MED16: variants seen among roughly 807,000 people sequenced by gnomAD.
MED16 encodes the protein mediator complex subunit 16.
A neutral mutation model predicts 84.4 loss-of-function variants in MED16; 81 were observed. That is an observed-to-expected ratio of 0.96 (90% CI 0.80 to 1.15). The LOEUF (loss-of-function observed/expected upper bound fraction) is 1.15, where lower values mean the gene tolerates loss of function less well. Ranked by LOEUF, MED16 falls within the 50% of genes most tolerant of loss-of-function variation. The pLI, the probability that MED16 is intolerant of heterozygous loss-of-function variation, is 0.00. For missense variants in MED16, 1,585 were observed against 1,245.9 expected (o/e 1.27, Z -4.10); for synonymous variants, 897 against 552.2 (o/e 1.62, Z -8.76).
intron 12 of MED16, 121 bp from the exon 13 acceptor site, chr19:871,374 CTGGCTGGG>C: frequency 4.5e-6 from 6 of 1,325,184 alleles, no homozygotes; most frequent in Non-Finnish European, 6.1e-6. Context: ...CTCTGTCTGC[CTGGCTGGG>C]TGACCCCGGG....
At chr19:887,024 A>C (rs967948183) in intron 4 of MED16, among the ~76,000 whole-genome samples, 21 of 151,424 alleles carry the variant, frequency 1.4e-4, no homozygotes, top group Admixed American at 6.6e-5. Flanking sequence ...GATTGCAGTG[A>C]GCCGAGATCA....
At chr19:892,428 C>T in intron 1 of MED16, 1 of 155,462 alleles carries the variant, frequency 6.4e-6, no homozygotes, top group Non-Finnish European at 1.4e-5. Context: ...CCAGGCCCAA[C>T]CCCTAAAACT....
chr19:884,571 C>G (rs895825176), intron 6 of MED16, among the ~76,000 whole-genome samples: 5 of 152,232 alleles, frequency 3.3e-5, no homozygotes, highest in South Asian at 4.1e-4. Flanking sequence ...CACAGACCCA[C>G]GCTCCACAGC....
intron 11 of MED16, 55 bp downstream of exon 11, chr19:873,394 T>C (rs1344168836): frequency 6.0e-6 from 9 of 1,492,856 alleles, no homozygotes; most frequent in African/African-American, 3.8e-5. Context: ...AGCGGGGTCC[T>C]GATGAGATGG....
intron 10 of MED16, among the ~76,000 whole-genome samples, chr19:874,640 G>T (rs915401109): frequency 4.1e-4 from 63 of 152,214 alleles, no homozygotes; most frequent in Non-Finnish European, 3.2e-4. Context: ...CCCAGGAGTA[G>T]AGAGAGGTGA....
At chr19:888,509 G>A (rs1200491140) in intron 4 of MED16, among the ~76,000 whole-genome samples, 5 of 144,240 alleles carry the variant, frequency 3.5e-5, no homozygotes, top group African/African-American at 5.2e-5. Flanking sequence ...GGGGGATAGA[G>A]CGAGACTCTG....
chr19:884,888 CG>C lies in MED16; in HGVS notation c.985+14del, dbSNP rs1440019491. The C allele has an allele frequency of 6.3e-7, 1 of 1,592,620 alleles. No individual in the cohort carries two copies. Among genetic ancestry groups the C allele is most frequent in the East Asian group, 2.3e-5 (1 of 44,296 alleles). On this transcript the variant is annotated intron_variant, in intron 6 of 15. Coordinates refer to ENST00000325464, the MANE Select transcript of MED16 (RefSeq NM_005481.3). ...AGGGCAGGCCCAGGGCCTCCGCAGCCGGCGGGAGACTCACCCACGGGGGAGA... is the reference window on the plus strand; with the variant it reads ...AGGGCAGGCCCAGGGCCTCCGCAGCCGCGGGAGACTCACCCACGGGGGAGA...
chr19:871,309 A>T (rs1230541244), intron 12 of MED16, 56 bp from the exon 13 acceptor site: 13 of 1,477,392 alleles, frequency 8.8e-6, no homozygotes, highest in Non-Finnish European at 1.1e-5. Context: ...CCGCCCGGCC[A>T]CCCGGGACGT....
chr19:870,113 T>C (rs2036010333), intron 13 of MED16, among the ~76,000 whole-genome samples: 1 of 152,110 alleles, frequency 6.6e-6, no homozygotes, highest in African/African-American at 2.4e-5. Flanking sequence ...CCTGATGAGG[T>C]GTCTGCTCAG....
rs181380270 is a variant in MED16 at position 869,737 on chromosome 19, A to G, written c.2316-791T>C. The stretch of plus-strand genomic sequence containing the variant: ...AGCAGGGCTGCTGGAGGTTCACTTC[A>G]TTTTCTTCCTTTTGCTCATCTGTGT... On this transcript the variant is annotated intron_variant, in intron 13 of 15. Transcript: ENST00000325464. Among the ~76,000 whole-genome samples the G allele has an allele frequency of 8.5e-3, 1,299 of 152,074 alleles. 11 individuals carry two copies. The highest frequency in any genetic ancestry group is 0.014 in the Non-Finnish European group (939 of 67,984).
Position 875,541 on chromosome 19 carries a change from T to C in MED16, c.1561-87A>G, listed in dbSNP as rs1050801260. Reference sequence around the variant, plus strand: ...GCTGAGGAGAAGAGCAGTTCGACTCTGACACCAGGCGCTCGGTCAGCTGGG... The same window carrying C: ...GCTGAGGAGAAGAGCAGTTCGACTCCGACACCAGGCGCTCGGTCAGCTGGG... On this transcript the variant is annotated intron_variant, in intron 9 of 15. Coordinates refer to ENST00000325464, the MANE Select transcript of MED16 (RefSeq NM_005481.3). The C allele has an allele frequency of 1.6e-5, 17 of 1,083,308 alleles. No individual in the cohort carries two copies. The East Asian group carries it at 1.8e-4, about 12-fold the overall frequency. The allele number at this position is 1,083,308 out of a possible 1,614,324, so 67.1% of individuals were successfully genotyped here.
rs940309097 is a variant in MED16, at chr19:871,555, C to A, written c.2099-302G>T. The A allele has an allele frequency of 3.8e-6, 6 of 1,589,888 alleles. No individual in the cohort carries two copies. In the Admixed American group the frequency reaches 8.5e-5, roughly 23 times the overall value. The stretch of plus-strand genomic sequence containing the variant: ...ACTGGGATGTAAGAATGACACAGCT[C>A]ACCCTCCTCACATACACACAACCCG... On this transcript the variant is annotated intron_variant, in intron 12 of 15. Transcript: ENST00000325464.
intron 8 of MED16, among the ~76,000 whole-genome samples, chr19:877,648 C>A (rs1405625839): frequency 7.1e-6 from 1 of 140,212 alleles, no homozygotes; most frequent in Non-Finnish European, 1.5e-5. Flanking sequence ...CCTCCCAGCC[C>A]CAGCCCCAGC....
chr19:874,873 G>C (rs187236132), intron 10 of MED16, among the ~76,000 whole-genome samples: 4 of 152,228 alleles, frequency 2.6e-5, no homozygotes, highest in Non-Finnish European at 5.9e-5. Context: ...GTCTCTAAAA[G>C]CCTGGGTGTG....
Position 893,132 on chromosome 19 carries a change from T to A in MED16, c.-65A>T, listed in dbSNP as rs1221802359. On this transcript the variant is annotated 5_prime_UTR_variant, in exon 1 of 16. In the 5' UTR this introduces an upstream ATG that the reference lacks. Coordinates refer to ENST00000325464, the MANE Select transcript of MED16 (RefSeq NM_005481.3). ...CTCAGCGGGCGTCCGCGGTGCGATC[T>A]TCCCTAGCGCCTCGGGTCTGGCGCC... The A allele has an allele frequency of 6.6e-6, 1 of 152,378 alleles. No homozygotes were observed. 9.4% of individuals were successfully genotyped at this position (152,378 alleles called of 1,614,324 possible).
intron 8 of MED16, among the ~76,000 whole-genome samples, chr19:877,507 C>T (rs891297714): frequency 2.6e-5 from 4 of 152,068 alleles, no homozygotes; most frequent in African/African-American, 4.8e-5. Context: ...GCTCCTAATA[C>T]GTGCTGTGAG....
At position 868,148 on chromosome 19, in the gene MED16, T is replaced by A. The variant is rs1335414412; in HGVS notation, c.2587A>T (p.Arg863Trp). 1.9e-6 allele frequency: 3 copies of A among 1,611,664 alleles called. No individual in the cohort carries two copies. The highest frequency in any genetic ancestry group is 2.5e-6 in the Non-Finnish European group (3 of 1,179,596). The change falls in exon 16 of 16, where the codon AGG becomes TGG. Residue 863 changes from arginine (R) to tryptophan (W), a missense_variant. Physicochemically the swap from Arg to Trp is moderately radical, Grantham distance 101. Coordinates refer to ENST00000325464, the MANE Select transcript of MED16 (RefSeq NM_005481.3). ...LGPQSTHHSP[R>W]TPRSLDHLHP... ...AGATGGTCCAGGGATCTGGGGGTCC[T>A]GGGAGAGTGGTGTGTGGACTGCGGG...
At chr19:886,242 C>T (rs778489503) in intron 4 of MED16, 41 bp from the exon 5 acceptor site, 4 of 1,464,366 alleles carry the variant, frequency 2.7e-6, no homozygotes, top group African/African-American at 1.4e-5. Context: ...CGCTCAGGCT[C>T]ATGGGGGCTG....
rs1172558011 is a variant in MED16, at chr19:871,120, G to C, written c.2232C>G (p.Pro744=). 2.6e-6 allele frequency: 4 copies of C among 1,548,554 alleles called. No homozygotes were observed. Among genetic ancestry groups the C allele is most frequent in the East Asian group, 2.4e-5 (1 of 40,894 alleles). ...ASDGLVSRLQ[P]KQPLRLQFGR... ...CAAACTGCAGACGAAGGGGCTGCTT[G>C]GGCTGCAGGCGGCTAACCAGGCCGT... The change falls in exon 13 of 16, where the codon CCC becomes CCG. Residue 744 remains proline (P), a synonymous_variant. Coordinates refer to ENST00000325464, the MANE Select transcript of MED16 (RefSeq NM_005481.3).
Sources: gnomAD v4.1 joint callset for allele counts (sites outside exome capture counted in the v4.1 genomes callset) on GRCh38, gnomAD v4.1.1 for gene constraint, MANE v1.5 for transcripts, NCBI Gene and HGNC (gene_info 2026-07-23, HGNC 2026-07-21) for gene names.